Variants in WDFY3 observed in about 807,000 individuals in gnomAD.
The protein encoded by WDFY3 is WD repeat and FYVE domain containing 3.
Under a neutral mutation model 409.6 loss-of-function variants are expected in WDFY3, and 66 were observed. That is an observed-to-expected ratio of 0.16 (90% CI 0.13 to 0.20). The LOEUF (loss-of-function observed/expected upper bound fraction) is 0.20, where lower values mean the gene tolerates loss of function less well. Ranked by LOEUF, WDFY3 falls within the 10% of genes least tolerant of loss-of-function variation. The pLI is 1.00. For missense variants in WDFY3, 3,031 were observed against 4,298.1 expected (o/e 0.71, Z 8.24); for synonymous variants, 1,521 against 1,537.1 (o/e 0.99, Z 0.25).
rs1774374875 is a variant in WDFY3, at chr4:84,957,375, A to G, written c.-226+8834T>C. On this transcript the variant is annotated intron_variant, in intron 1 of 67. Coordinates refer to ENST00000295888, the MANE Select transcript of WDFY3 (RefSeq NM_014991.6). The stretch of plus-strand genomic sequence containing the variant: ...TTTTATCATCTATTATACACAATCT[A>G]TTGGACACAGTAATTTTTGATTAAA... Among the ~76,000 whole-genome samples the G allele has an allele frequency of 2.6e-5, 4 of 152,138 alleles. No homozygotes were observed. The South Asian group carries it at 8.3e-4, about 32-fold the overall frequency.
chr4:84,717,072 G>A, intron 48 of WDFY3, 56 bp from the exon 49 acceptor site: 1 of 1,484,684 alleles, frequency 6.7e-7, no homozygotes, highest in Non-Finnish European at 9.0e-7. Context: ...TAAATTCACT[G>A]TTCCATAAAG....
intron 51 of WDFY3, among the ~76,000 whole-genome samples, chr4:84,709,757 C>T (rs1162780432): frequency 6.6e-6 from 1 of 152,206 alleles, no homozygotes; most frequent in Non-Finnish European, 1.5e-5. Context: ...GACGGAGTCT[C>T]GATCTGTCAC....
Position 84,716,923 on chromosome 4 carries a change from T to C in WDFY3, c.7848A>G (p.Glu2616=), listed in dbSNP as rs576956409. 3.8e-6 allele frequency: 6 copies of C among 1,599,154 alleles called. No individual in the cohort carries two copies. In the South Asian group the frequency reaches 4.5e-5, roughly 12 times the overall value. The change falls in exon 49 of 68, where the codon GAA becomes GAG. Residue 2616 remains glutamate, a synonymous_variant. Coordinates refer to ENST00000295888, the MANE Select transcript of WDFY3 (RefSeq NM_014991.6). ...GCAGGAGATATCTCCTTTTATGAACTTCCTTGATATCTTCATATGCAAAAA... is the reference window on the plus strand; with the variant it reads ...GCAGGAGATATCTCCTTTTATGAACCTCCTTGATATCTTCATATGCAAAAA... ...CSIFAYEDIK[E]VHKRRYLLQP... is the part of the protein sequence containing the mutation.
intron 58 of WDFY3, among the ~76,000 whole-genome samples, chr4:84,695,302 C>A (rs920903791): frequency 6.6e-6 from 1 of 152,078 alleles, no homozygotes; most frequent in African/African-American, 2.4e-5. Flanking sequence ...GCAGCTATTG[C>A]GTGTCCTAGG....
rs1248879508 is a variant in WDFY3 at position 84,932,284 on chromosome 4, T to C, written c.-146A>G. ...CTAAAACTGACCTGATTCTCTGTTCTGGGCTGGCATGAACCTGCTTAGAAA... is the reference window on the plus strand; with the variant it reads ...CTAAAACTGACCTGATTCTCTGTTCCGGGCTGGCATGAACCTGCTTAGAAA... On this transcript the variant is annotated 5_prime_UTR_variant, in exon 2 of 68. Transcript: ENST00000295888. 6.6e-6 allele frequency: 1 copy of C among 152,180 alleles called. No individual in the cohort carries two copies. Among genetic ancestry groups the C allele is most frequent in the Admixed American group, 6.5e-5 (1 of 15,272 alleles). 9.4% of individuals were successfully genotyped at this position (152,180 alleles called of 1,614,324 possible).
intron 1 of WDFY3, among the ~76,000 whole-genome samples, chr4:84,951,276 AT>A (rs1773578663): frequency 6.6e-6 from 1 of 152,054 alleles, no homozygotes; most frequent in African/African-American, 2.4e-5. Flanking sequence ...TTTTTATCAT[AT>A]TTTTTCCATC....
In WDFY3 at chr4:84,775,156, A is replaced by G. The variant is rs758874590; in HGVS notation, c.4519-18T>C. On this transcript the variant is annotated intron_variant, in intron 27 of 67. Coordinates refer to ENST00000295888, the MANE Select transcript of WDFY3 (RefSeq NM_014991.6). ...AGCCAGACCTATAATAAATAAAAAC[A>G]GTAGTATATTTAAGGTTAAAAAAAA... The G allele has an allele frequency of 3.1e-6, 5 of 1,607,664 alleles. No individual in the cohort carries two copies. The highest frequency in any genetic ancestry group is 2.0e-4 in the Middle Eastern group (1 of 4,918).
chr4:84,795,798 C>T (rs1749332099), intron 19 of WDFY3, among the ~76,000 whole-genome samples: 1 of 151,698 alleles, frequency 6.6e-6, no homozygotes, highest in Non-Finnish European at 1.5e-5. Flanking sequence ...TAATAGCTAA[C>T]AGATCTAGCT....
Position 84,682,431 on chromosome 4 carries a change from C to G in WDFY3, c.9766G>C (p.Ala3256Pro). ...MEFLQVPETP[A>P]PEPAEVLEMQ... ...TCTAGGACTTCAGCAGGCTCAGGAG[C>G]TGGTGTTTCAGGAACTTGCAAAAAT... The change falls in exon 64 of 68, where the codon GCT (alanine) becomes CCT (proline). Residue 3256 changes from alanine (A) to proline (P), a missense_variant. This residue lies in a region of WDFY3 where 378 missense variants were observed against 477.3 expected (regional missense o/e 0.79). Transcript: ENST00000295888. The G allele has an allele frequency of 6.2e-7, 1 of 1,613,864 alleles. No homozygotes were observed. Among genetic ancestry groups the G allele is most frequent in the Non-Finnish European group, 8.5e-7 (1 of 1,179,988 alleles).
chr4:84,672,693 C>T lies in WDFY3; in HGVS notation c.*175G>A, dbSNP rs1725604552. Reference sequence around the variant, plus strand: ...TGCTGTTCACCTGAATCGCGTCTGCCCCATTCCTGTACTCTACACCCGTTT... The same window carrying T: ...TGCTGTTCACCTGAATCGCGTCTGCTCCATTCCTGTACTCTACACCCGTTT... On this transcript the variant is annotated 3_prime_UTR_variant, in exon 68 of 68. Transcript: ENST00000295888. 5 of 859,562 alleles carry T rather than the reference C, an allele frequency of 5.8e-6. No individual in the cohort carries two copies. The South Asian group carries it at 9.9e-5, about 17-fold the overall frequency. The allele number at this position is 859,562 out of a possible 1,614,324, so 53.2% of individuals were successfully genotyped here.
chr4:84,835,397 C>T (rs996163834), intron 7 of WDFY3, among the ~76,000 whole-genome samples: 19 of 152,124 alleles, frequency 1.2e-4, no homozygotes, highest in African/African-American at 4.6e-4. Flanking sequence ...CTTTTCTTAG[C>T]CAATCTAATT....
At chr4:84,755,218 C>T (rs748675254) in intron 34 of WDFY3, 48 bp downstream of exon 34, 1 of 1,587,614 alleles carries the variant, frequency 6.3e-7, no homozygotes, top group South Asian at 1.2e-5. Flanking sequence ...AAAAAGTATC[C>T]TAGGCAGGAG....
chr4:84,917,653 T>C (rs1201982559), intron 2 of WDFY3, among the ~76,000 whole-genome samples: 2 of 152,056 alleles, frequency 1.3e-5, no homozygotes, highest in African/African-American at 4.8e-5. Context: ...TTTCAAACTC[T>C]TTATGTTTTT....
In WDFY3 at chr4:84,803,483, G is replaced by C. The variant is rs1444658810; in HGVS notation, c.2430-16C>G. 3.1e-6 allele frequency: 5 copies of C among 1,592,250 alleles called. No individual in the cohort carries two copies. The highest frequency in any genetic ancestry group is 3.4e-6 in the Non-Finnish European group (4 of 1,170,514). ...ATATGCATGCCTATAAAAAAAGAAA[G>C]AGTAAATTTGGTATTGAATTCCAAT... On this transcript the variant is annotated splice_polypyrimidine_tract_variant and intron_variant, in intron 15 of 67. Transcript: ENST00000295888.
At chr4:84,706,622 G>T (rs114353088) in intron 53 of WDFY3, among the ~76,000 whole-genome samples, 10,087 of 151,792 alleles carry the variant, frequency 0.066, 462 homozygotes, top group Admixed American at 0.12. Context: ...GAAGGCAGAG[G>T]AGAAAAAGAA....
intron 3 of WDFY3, among the ~76,000 whole-genome samples, chr4:84,877,185 A>G (rs1578939544): frequency 6.6e-6 from 1 of 152,130 alleles, no homozygotes; most frequent in Admixed American, 6.5e-5. Context: ...ATTCTACTTT[A>G]ACCACACCCG....
chr4:84,877,998 G>T (rs1237198491), intron 3 of WDFY3, among the ~76,000 whole-genome samples: 1 of 152,006 alleles, frequency 6.6e-6, no homozygotes, highest in Non-Finnish European at 1.5e-5. Context: ...AGACAACTTT[G>T]TTTTTTATGG....
At chr4:84,721,140 T>C (rs576578081) in intron 47 of WDFY3, among the ~76,000 whole-genome samples, 3 of 152,316 alleles carry the variant, frequency 2.0e-5, no homozygotes, top group South Asian at 4.1e-4. Flanking sequence ...TAGAGAATTA[T>C]GGCAAGATCT....
intron 5 of WDFY3, 117 bp downstream of exon 5, chr4:84,849,785 T>TA (rs1354769853): frequency 7.2e-7 from 1 of 1,395,556 alleles, no homozygotes; most frequent in African/African-American, 1.5e-5. Flanking sequence ...AGGGAATGGG[T>TA]AAATGAACTC....
Sources: gnomAD v4.1 joint callset for allele counts (sites outside exome capture counted in the v4.1 genomes callset) on GRCh38, gnomAD v4.1.1 for gene constraint, gnomAD v4.1.1 regional missense constraint, MANE v1.5 for transcripts, NCBI Gene and HGNC (gene_info 2026-07-23, HGNC 2026-07-21) for gene names.